Variants in LYPLAL1 observed in about 807,000 individuals in gnomAD.
LYPLAL1 encodes the protein lysophospholipase like 1, also known as lysophospholipase-like protein 1.
In LYPLAL1, 23 loss-of-function variants were observed where a neutral mutation model predicts 19.7. The observed-to-expected ratio is 1.17, with a 90% CI of 0.84 to 1.65. LYPLAL1 has a LOEUF of 1.65. Ranked by LOEUF, LYPLAL1 falls within the 40% of genes most tolerant of loss-of-function variation. The pLI is 0.00. For synonymous variants in LYPLAL1, 119 were observed against 96.3 expected, an observed-to-expected ratio of 1.24 and a Z score of -1.38; for missense variants, 355 against 279.4, an observed-to-expected ratio of 1.27 and a Z score of -1.93.
At chr1:219,226,779 A>G in the LYPLAL1 span, among the ~76,000 whole-genome samples, 1 of 152,182 alleles carries the variant, frequency 6.6e-6, no homozygotes, top group South Asian at 2.1e-4. Context: ...TCAAAAATAG[A>G]AGAGTTAATT....
downstream of LYPLAL1, among the ~76,000 whole-genome samples, chr1:219,214,779 TC>T (rs1015879145): frequency 6.7e-6 from 1 of 149,360 alleles, no homozygotes; most frequent in African/African-American, 2.5e-5. Flanking sequence ...CAACTCCACC[TC>T]CTGGGTTCAA....
chr1:219,338,463 C>T, the LYPLAL1 span, among the ~76,000 whole-genome samples: 2 of 151,944 alleles, frequency 1.3e-5, no homozygotes, highest in African/African-American at 4.8e-5. Context: ...GTTTGGTTAT[C>T]TGTTACTTGC....
the LYPLAL1 span, among the ~76,000 whole-genome samples, chr1:219,313,627 C>T: frequency 9.0e-4 from 137 of 151,958 alleles, 2 homozygotes; most frequent in Non-Finnish European, 1.6e-3. Context: ...CACATACTTC[C>T]GGGTTCATGT....
At chr1:219,197,618 G>C (rs897707698) in intron 3 of LYPLAL1, among the ~76,000 whole-genome samples, 5 of 152,040 alleles carry the variant, frequency 3.3e-5, no homozygotes, top group African/African-American at 1.2e-4. Flanking sequence ...AAAAGCAGAA[G>C]TTGACAGATG....
chr1:219,406,608 A>T, the LYPLAL1 span, among the ~76,000 whole-genome samples: 1 of 152,244 alleles, frequency 6.6e-6, no homozygotes, highest in Non-Finnish European at 1.5e-5. Context: ...GATTCACAAG[A>T]TGTGAAGAAG....
the LYPLAL1 span, chr1:219,272,552 C>T: frequency 1.3e-5 from 2 of 152,266 alleles, no homozygotes; most frequent in African/African-American, 4.8e-5. Context: ...GGGACAATCA[C>T]GTGAGGTCAG....
chr1:219,211,490 A>G lies in LYPLAL1; in HGVS notation c.478-2A>G, dbSNP rs200260515. 4 of 1,553,254 alleles carry G rather than the reference A, an allele frequency of 2.6e-6. No individual in the cohort carries two copies. The highest frequency in any genetic ancestry group is 3.5e-5 in the Admixed American group (2 of 56,446). On this transcript the variant is annotated splice_acceptor_variant, in intron 4 of 4. Transcript: ENST00000366928. LOFTEE classifies it high-confidence loss of function. ...TTTCTGTCTTTGTATCTTCTTCTCT[A>G]GGCTCTTCAGAAGAGTAATGGTGTA... is the stretch of plus-strand genomic sequence containing the variant.
chr1:219,362,835 TACTC>T, the LYPLAL1 span, among the ~76,000 whole-genome samples: 1 of 151,928 alleles, frequency 6.6e-6, no homozygotes, highest in Admixed American at 6.6e-5. Context: ...CAACCAGTCA[TACTC>T]AGGAGAGGTT....
the LYPLAL1 span, among the ~76,000 whole-genome samples, chr1:219,391,933 T>C: frequency 3.6e-3 from 553 of 152,332 alleles, no homozygotes; most frequent in Non-Finnish European, 5.3e-3. Flanking sequence ...TCTTTAATCA[T>C]TGATATGTTC....
At chr1:219,199,523 A>G (rs1021486294) in intron 3 of LYPLAL1, among the ~76,000 whole-genome samples, 1 of 151,426 alleles carries the variant, frequency 6.6e-6, no homozygotes, top group Non-Finnish European at 1.5e-5. Context: ...GCTCACTGCA[A>G]CCTCCACCTC....
At chr1:219,259,611 A>G in the LYPLAL1 span, among the ~76,000 whole-genome samples, 1 of 151,514 alleles carries the variant, frequency 6.6e-6, no homozygotes, top group African/African-American at 2.4e-5. Flanking sequence ...AGGCATAAGA[A>G]TGATATAATG....
At chr1:219,194,028 A>T (rs1657409096) in intron 3 of LYPLAL1, among the ~76,000 whole-genome samples, 1 of 151,966 alleles carries the variant, frequency 6.6e-6, no homozygotes, top group African/African-American at 2.4e-5. Context: ...TGGGTAAACT[A>T]ATAAACTTTC....
the LYPLAL1 span, among the ~76,000 whole-genome samples, chr1:219,326,761 C>T: frequency 6.6e-6 from 1 of 152,168 alleles, no homozygotes; most frequent in Non-Finnish European, 1.5e-5. Context: ...CTTGCTCCCC[C>T]TAAGCCTCTC....
chr1:219,184,817 C>G (rs1401780394), intron 2 of LYPLAL1, among the ~76,000 whole-genome samples: 1 of 151,772 alleles, frequency 6.6e-6, no homozygotes, highest in Non-Finnish European at 1.5e-5. Flanking sequence ...TTATATGTAT[C>G]TAAATTTGTT....
the LYPLAL1 span, among the ~76,000 whole-genome samples, chr1:219,241,134 C>CTATATATATATATATATA: frequency 5.2e-4 from 23 of 44,352 alleles, no homozygotes; most frequent in East Asian, 8.2e-4. Context: ...CTCTCTCTCT[C>CTATATATATATATATATA]TATATATATA....
intron 3 of LYPLAL1, among the ~76,000 whole-genome samples, chr1:219,198,311 T>G (rs540302542): frequency 6.6e-6 from 1 of 152,128 alleles, no homozygotes; most frequent in Admixed American, 6.5e-5. Flanking sequence ...ATTAAACATT[T>G]TAAGTAGAAT....
At chr1:219,396,928 T>C in the LYPLAL1 span, among the ~76,000 whole-genome samples, 1 of 152,234 alleles carries the variant, frequency 6.6e-6, no homozygotes, top group Non-Finnish European at 1.5e-5. Flanking sequence ...CTGATTGCTC[T>C]GGCTAGGACT....
the LYPLAL1 span, among the ~76,000 whole-genome samples, chr1:219,395,796 A>G: frequency 5.3e-5 from 8 of 152,178 alleles, no homozygotes; most frequent in African/African-American, 1.7e-4. Flanking sequence ...ATTTTTACAT[A>G]TGGTGTAAGG....
chr1:219,252,842 G>A, the LYPLAL1 span, among the ~76,000 whole-genome samples: 31 of 152,046 alleles, frequency 2.0e-4, no homozygotes, highest in Admixed American at 1.6e-3. Flanking sequence ...TTTTTGGAAC[G>A]GTTTCTGTAG....
Sources: gnomAD v4.1 joint callset for allele counts (sites outside exome capture counted in the v4.1 genomes callset) on GRCh38, gnomAD v4.1.1 for gene constraint, MANE v1.5 for transcripts, NCBI Gene and HGNC (gene_info 2026-07-23, HGNC 2026-07-21) for gene names.